Variants in BTN3A1 observed in about 807,000 individuals in gnomAD.
BTN3A1 encodes the protein dJ45P21.3 (butyrophilin, subfamily 3, member A1).
In BTN3A1, 24 loss-of-function variants were observed where a neutral mutation model predicts 43.0. That is an observed-to-expected ratio of 0.56 (90% CI 0.40 to 0.78). The LOEUF (loss-of-function observed/expected upper bound fraction) is 0.78, where lower values mean the gene tolerates loss of function less well. Among genes scored for constraint, BTN3A1 ranks in the 30% least tolerant of loss-of-function variants. BTN3A1 has a pLI of 0.00. For missense variants in BTN3A1, 533 were observed against 626.2 expected, an observed-to-expected ratio of 0.85 and a Z score of 1.59; for synonymous variants, 181 against 234.7, an observed-to-expected ratio of 0.77 and a Z score of 2.09.
Position 26,411,689 on chromosome 6 carries a change from A to G in BTN3A1, c.1018+108A>G, listed in dbSNP as rs539665764. The G allele has an allele frequency of 3.1e-5, 43 of 1,385,600 alleles. No homozygotes were observed. In the African/African-American group the frequency reaches 5.9e-4, roughly 19 times the overall value. 85.8% of individuals were successfully genotyped at this position (1,385,600 alleles called of 1,614,324 possible). A position where few individuals can be genotyped will look rare whatever the true frequency, so the allele number is the denominator to read the frequency against. On this transcript the variant is annotated intron_variant, in intron 9 of 9. Coordinates refer to ENST00000289361, the MANE Select transcript of BTN3A1 (RefSeq NM_007048.6). ...GATTTGGGGAAGAAAAGCTCCCATG[A>G]CTAGGAGAATTTGGGGTAGGCAACA...
At chr6:26,405,255 T>G in intron 1 of BTN3A1, 117 bp from the exon 2 acceptor site, 1 of 430,976 alleles carries the variant, frequency 2.3e-6, no homozygotes. Flanking sequence ...TGTGGTGGGT[T>G]GGACTTGGCA....
intron 3 of BTN3A1, among the ~76,000 whole-genome samples, chr6:26,407,252 T>C (rs1762050400): frequency 6.6e-6 from 1 of 152,160 alleles, no homozygotes; most frequent in Non-Finnish European, 1.5e-5. Context: ...GTTTAAGGGT[T>C]TGGTCAGCAG....
chr6:26,409,574 G>T lies in BTN3A1; in HGVS notation c.757G>T (p.Ala253Ser), dbSNP rs753101869. ...RSAQRWIAALAGTLPVLLLLL... is the reference protein window; with the variant it reads ...RSAQRWIAALSGTLPVLLLLL... ...CGCCCAGAGGTGGATCGCCGCCCTG[G>T]CAGGGACCCTGCCTGTCTTGCTGCT... The change falls in exon 5 of 10, where the codon GCA (alanine) becomes TCA (serine). Residue 253 changes from alanine (A) to serine (S), a missense_variant. Coordinates refer to ENST00000289361, the MANE Select transcript of BTN3A1 (RefSeq NM_007048.6). The T allele has an allele frequency of 2.5e-6, 4 of 1,613,972 alleles. No individual in the cohort carries two copies. In the South Asian group the frequency reaches 4.4e-5, roughly 18 times the overall value.
chr6:26,414,780 G>C lies in BTN3A1; in HGVS notation c.*1088G>C, dbSNP rs1762332980. The C allele has an allele frequency of 6.6e-6, 1 of 151,702 alleles. No individual in the cohort carries two copies. Among genetic ancestry groups the C allele is most frequent in the Non-Finnish European group, 1.5e-5 (1 of 68,008 alleles). The allele number at this position is 151,702 out of a possible 1,614,324, so 9.4% of individuals were successfully genotyped here. On this transcript the variant is annotated 3_prime_UTR_variant, in exon 10 of 10. Transcript: ENST00000289361. ...CAGCTCCCTGCAACCTCCACCTCCT[G>C]GGTTCAAACAATTCTCCTGCCTCAG...
chr6:26,404,847 G>A (rs192304656), intron 1 of BTN3A1, among the ~76,000 whole-genome samples: 158 of 152,338 alleles, frequency 1.0e-3, no homozygotes, highest in African/African-American at 3.8e-3. Context: ...TGAGACCAAA[G>A]AGCTTGTGAA....
At position 26,407,853 on chromosome 6, in the gene BTN3A1, G is replaced by T; in HGVS notation, c.616G>T (p.Ala206Ser). ...ADGVGLYAVA[A>S]SVIMRGSSGE... ...CGGAGTGGGCCTGTATGCAGTAGCA[G>T]CATCTGTGATCATGAGAGGCAGCTC... The change falls in exon 4 of 10, where the codon GCA becomes TCA. Residue 206 changes from alanine (A) to serine (S), a missense_variant. By Grantham distance (99) the Ala-to-Ser change is moderately conservative (BLOSUM62 1). Coordinates refer to ENST00000289361, the MANE Select transcript of BTN3A1 (RefSeq NM_007048.6). 1 of 1,614,246 alleles carries T rather than the reference G, an allele frequency of 6.2e-7. No individual in the cohort carries two copies. Among genetic ancestry groups the T allele is most frequent in the Non-Finnish European group, 8.5e-7 (1 of 1,180,050 alleles).
At chr6:26,411,848 G>A (rs2113807577) in intron 9 of BTN3A1, 2 of 443,588 alleles carry the variant, frequency 4.5e-6, no homozygotes, top group South Asian at 3.6e-5. Context: ...GTGGATCTGA[G>A]GGGAAGGAGA....
chr6:26,406,146 A>C lies in BTN3A1; in HGVS notation c.323A>C (p.Lys108Thr). 3 of 1,536,332 alleles carry C rather than the reference A, an allele frequency of 2.0e-6. No individual in the cohort carries two copies. The highest frequency in any genetic ancestry group is 1.8e-6 in the Non-Finnish European group (2 of 1,124,920). Residue 108 changes from lysine to threonine, a missense_variant, in exon 3 of 10, where the codon AAG (lysine) becomes ACG (threonine). Around this residue, in one of 4 missense-constraint regions of BTN3A1, gnomAD observed 51 missense variants for 90.9 expected, o/e 0.56. Transcript: ENST00000289361. Reference protein sequence around the residue: ...SILRDGITAGKAALRIHNVTA... With the variant: ...SILRDGITAGTAALRIHNVTA... ...CTGCGGGATGGCATCACTGCAGGGA[A>C]GGCTGCTCTCCGAATACACAACGTC...
chr6:26,413,371 G>A lies in BTN3A1; in HGVS notation c.1221G>A (p.Trp407Ter), dbSNP rs1456807437. 6.2e-7 allele frequency: 1 copy of A among 1,613,790 alleles called. No individual in the cohort carries two copies. The highest frequency in any genetic ancestry group is 8.5e-7 in the Non-Finnish European group (1 of 1,179,918). ...TGGAGGTAGGGGACAGGAAAGAGTG[G>A]CATATAGGGGTGTGCAGTAAGAATG... ...WEVEVGDRKE[W>*]HIGVCSKNVQ... Residue 407 changes from tryptophan to a stop codon, truncating the protein, a stop_gained, in exon 10 of 10, where the codon TGG (tryptophan) becomes TGA (stop). Coordinates refer to ENST00000289361, the MANE Select transcript of BTN3A1 (RefSeq NM_007048.6). LOFTEE classifies it low-confidence loss of function (END_TRUNC).
chr6:26,412,806 G>A (rs1439494890), intron 9 of BTN3A1: 13 of 1,550,106 alleles, frequency 8.4e-6, no homozygotes, highest in South Asian at 2.4e-5. Context: ...ATGAGTGGTC[G>A]AATGAAGGTT....
chr6:26,411,276 T>C (rs923053184), intron 8 of BTN3A1, 141 bp downstream of exon 8: 2 of 1,206,334 alleles, frequency 1.7e-6, no homozygotes, highest in African/African-American at 3.1e-5. Context: ...TTGTGGGGGG[T>C]TGATTTCTGC....
chr6:26,402,740 T>C (rs1043010382), intron 1 of BTN3A1, among the ~76,000 whole-genome samples: 7 of 151,678 alleles, frequency 4.6e-5, no homozygotes, highest in Non-Finnish European at 8.8e-5. Context: ...TAAAAAGAGG[T>C]GTCCTTTATA....
intron 4 of BTN3A1, 60 bp downstream of exon 4, chr6:26,408,012 G>C (rs1027618310): frequency 6.3e-7 from 1 of 1,596,636 alleles, no homozygotes; most frequent in African/African-American, 1.3e-5. Context: ...AATGAAGGGG[G>C]AGGTGTTAGT....
chr6:26,412,553 C>A, intron 9 of BTN3A1: 1 of 1,548,416 alleles, frequency 6.5e-7, no homozygotes, highest in Admixed American at 2.0e-5. Flanking sequence ...GAATCTAGGG[C>A]ATATAAGGCA....
In BTN3A1 at chr6:26,413,692, A is replaced by G. The variant is rs750580366; in HGVS notation, c.1542A>G (p.Ter514TrpextTer17). 3 of 1,612,620 alleles carry G rather than the reference A, an allele frequency of 1.9e-6. No individual in the cohort carries two copies. The South Asian group carries it at 3.3e-5, about 18-fold the overall frequency. ...EPTALTICPA[*>W] ...CGGCCCTGACTATTTGTCCAGCGTG[A>G]AAAGAAGAAGAGAGTTCCTCCAATT... The change falls in exon 10 of 10, where the codon TGA (stop) becomes TGG (tryptophan). Residue 514 changes from the stop codon to tryptophan, a stop_lost. Transcript: ENST00000289361.
intron 7 of BTN3A1, 106 bp from the exon 8 acceptor site, chr6:26,411,003 A>T: frequency 4.9e-6 from 2 of 410,382 alleles, no homozygotes; most frequent in African/African-American, 2.2e-5. Context: ...CAGGTGGTAA[A>T]AAAAAAAAAA....
chr6:26,413,461 T>A lies in BTN3A1; in HGVS notation c.1311T>A (p.Asp437Glu). The A allele has an allele frequency of 6.2e-7, 1 of 1,614,088 alleles. No homozygotes were observed. Among genetic ancestry groups the A allele is most frequent in the Non-Finnish European group, 8.5e-7 (1 of 1,180,016 alleles). The change falls in exon 10 of 10, where the codon GAT becomes GAA. Residue 437 changes from aspartate (D) to glutamate (E), a missense_variant. Coordinates refer to ENST00000289361, the MANE Select transcript of BTN3A1 (RefSeq NM_007048.6). ...GATTCTGGACTATGGGGCTGACTGA[T>A]GGGAATAAGTATCGGACTCTAACTG... ...ENGFWTMGLTDGNKYRTLTEP... is the reference protein window; with the variant it reads ...ENGFWTMGLTEGNKYRTLTEP...
At chr6:26,405,706 T>C (rs1431077330) in intron 2 of BTN3A1, 58 bp downstream of exon 2, 2 of 1,603,738 alleles carry the variant, frequency 1.2e-6, no homozygotes, top group African/African-American at 2.7e-5. Context: ...TATGTCCTCA[T>C]AGGACTTTTG....
At chr6:26,405,776 A>G in intron 2 of BTN3A1, 128 bp downstream of exon 2, 1 of 1,584,546 alleles carries the variant, frequency 6.3e-7, no homozygotes, top group Non-Finnish European at 8.6e-7. Flanking sequence ...CTAAGAGACA[A>G]ATGGTGCTTC....
Sources: gnomAD v4.1 joint callset for allele counts (sites outside exome capture counted in the v4.1 genomes callset) on GRCh38, gnomAD v4.1.1 for gene constraint, gnomAD v4.1.1 regional missense constraint, MANE v1.5 for transcripts, NCBI Gene and HGNC (gene_info 2026-07-23, HGNC 2026-07-21) for gene names.